Variants in HMGCLL1 observed in about 807,000 individuals in gnomAD.
HMGCLL1 encodes the protein 3-hydroxy-3-methylglutaryl-CoA lyase like 1.
In HMGCLL1, 36 loss-of-function variants were observed where a neutral mutation model predicts 39.1. The observed-to-expected ratio is 0.92, with a 90% CI of 0.71 to 1.22. The LOEUF (loss-of-function observed/expected upper bound fraction) is 1.22. HMGCLL1 is among the 50% of genes most tolerant of loss of function. The probability of loss-of-function intolerance (pLI) is 0.00; values close to 1 mark genes in which losing one functional copy is unlikely to be tolerated. For missense variants in HMGCLL1, 451 were observed against 416.5 expected (o/e 1.08, Z -0.72); for synonymous variants, 149 against 144.0 (o/e 1.03, Z -0.25).
At chr6:55,641,195 C>T in the HMGCLL1 span, among the ~76,000 whole-genome samples, 2 of 150,782 alleles carry the variant, frequency 1.3e-5, no homozygotes, top group African/African-American at 2.4e-5. Context: ...ATATTATGAG[C>T]TATTATAAAA....
chr6:55,671,700 T>C, the HMGCLL1 span, among the ~76,000 whole-genome samples: 21 of 151,924 alleles, frequency 1.4e-4, no homozygotes, highest in Admixed American at 4.6e-4. Context: ...AAACCAACAA[T>C]GGACATGCAG....
chr6:55,579,248 G>A (rs9349782), upstream of HMGCLL1: 300,329 of 595,536 alleles, frequency 0.5, 76,856 homozygotes, highest in South Asian at 0.61. Context: ...GGCCGCGCCT[G>A]GGGCAGCGGG....
rs148791481 is a variant in HMGCLL1, at chr6:55,563,285, G to A, written c.108+15663C>T. The stretch of plus-strand genomic sequence containing the variant: ...GGCATGTGCTTGGGTGGCAAGGGGT[G>A]GGAGGAATTAAAGCCAAAATGTAAA... On this transcript the variant is annotated intron_variant, in intron 1 of 8. Transcript: ENST00000274901. Among the ~76,000 whole-genome samples, 36 of 152,154 alleles carry A rather than the reference G, an allele frequency of 2.4e-4. No individual in the cohort carries two copies. In the East Asian group the frequency reaches 6.8e-3, roughly 29 times the overall value.
At chr6:55,674,361 G>T in the HMGCLL1 span, among the ~76,000 whole-genome samples, 322 of 150,396 alleles carry the variant, frequency 2.1e-3, 1 homozygote, top group African/African-American at 7.2e-3. Context: ...CATGCCTGTG[G>T]ATAGCCATGG....
At chr6:55,629,639 C>T in the HMGCLL1 span, among the ~76,000 whole-genome samples, 16,990 of 152,082 alleles carry the variant, frequency 0.11, 1,137 homozygotes, top group East Asian at 0.17. Flanking sequence ...GCTTGGAGGC[C>T]TAGGAAGAAA....
intron 7 of HMGCLL1, among the ~76,000 whole-genome samples, chr6:55,483,663 ATAGAC>A (rs2127414983): frequency 6.6e-6 from 1 of 152,356 alleles, no homozygotes; most frequent in South Asian, 2.1e-4. Context: ...CACGAAATAA[ATAGAC>A]TAAAGAGATG....
At chr6:55,627,213 T>A in the HMGCLL1 span, among the ~76,000 whole-genome samples, 1 of 152,236 alleles carries the variant, frequency 6.6e-6, no homozygotes, top group East Asian at 1.9e-4. Context: ...TTCCTCCTTC[T>A]TTTGTTGAAA....
At chr6:55,635,823 A>G in the HMGCLL1 span, among the ~76,000 whole-genome samples, 1 of 152,202 alleles carries the variant, frequency 6.6e-6, no homozygotes, top group African/African-American at 2.4e-5. Context: ...TGCTGAACAC[A>G]AAGAATAGTG....
At chr6:55,456,437 A>T (rs1387493365) in intron 7 of HMGCLL1, among the ~76,000 whole-genome samples, 2 of 152,228 alleles carry the variant, frequency 1.3e-5, no homozygotes, top group African/African-American at 4.8e-5. Flanking sequence ...TGGGGTATGC[A>T]GGAAAATACA....
In HMGCLL1 at chr6:55,505,787, G is replaced by A. The variant is rs779268321; in HGVS notation, c.543-6488C>T. Among the ~76,000 whole-genome samples the A allele has an allele frequency of 3.3e-5, 5 of 151,596 alleles. No individual in the cohort carries two copies. In the East Asian group the frequency reaches 5.8e-4, roughly 18 times the overall value. On this transcript the variant is annotated intron_variant, in intron 5 of 8. Transcript: ENST00000274901. ...ATGCCTGTGAGGTTAATTTATCTGCGTAGTTCCTGATGAAACTAAAAAGTA... is the reference window on the plus strand; with the variant it reads ...ATGCCTGTGAGGTTAATTTATCTGCATAGTTCCTGATGAAACTAAAAAGTA...
chr6:55,528,063 A>T (rs1391170725), intron 3 of HMGCLL1, among the ~76,000 whole-genome samples: 1 of 152,084 alleles, frequency 6.6e-6, no homozygotes, highest in Non-Finnish European at 1.5e-5. Context: ...AAATAATTTT[A>T]AAAATATATT....
chr6:55,650,134 TACACACACAC>T, the HMGCLL1 span, among the ~76,000 whole-genome samples: 30 of 53,282 alleles, frequency 5.6e-4, no homozygotes, highest in East Asian at 7.9e-4. Context: ...TATATATATA[TACACACACAC>T]ACACATATGT....
chr6:55,537,388 T>C (rs981177164), intron 3 of HMGCLL1, among the ~76,000 whole-genome samples: 1 of 152,208 alleles, frequency 6.6e-6, no homozygotes, highest in Non-Finnish European at 1.5e-5. Context: ...AAGTAAAATA[T>C]ATAACATAGC....
chr6:55,535,014 G>A (rs1768931745), intron 3 of HMGCLL1, among the ~76,000 whole-genome samples: 2 of 152,200 alleles, frequency 1.3e-5, no homozygotes, highest in Admixed American at 6.5e-5. Context: ...GTGGCAAATA[G>A]TGTATGCTTG....
At chr6:55,636,310 A>G in the HMGCLL1 span, among the ~76,000 whole-genome samples, 20 of 152,284 alleles carry the variant, frequency 1.3e-4, no homozygotes, top group African/African-American at 4.1e-4. Context: ...GTATATGTAA[A>G]CATTCAGGTA....
chr6:55,611,284 A>G, the HMGCLL1 span, among the ~76,000 whole-genome samples: 1 of 152,300 alleles, frequency 6.6e-6, no homozygotes, highest in African/African-American at 2.4e-5. Flanking sequence ...AATTTATAGC[A>G]CTGAATGTTC....
intron 1 of HMGCLL1, among the ~76,000 whole-genome samples, chr6:55,552,766 T>A (rs921625930): frequency 1.3e-5 from 2 of 152,006 alleles, no homozygotes; most frequent in African/African-American, 4.8e-5. Flanking sequence ...CTAGTTAAAA[T>A]ATTCCTAAAA....
chr6:55,620,734 T>G, the HMGCLL1 span, among the ~76,000 whole-genome samples: 125 of 152,222 alleles, frequency 8.2e-4, no homozygotes, highest in African/African-American at 2.8e-3. Flanking sequence ...AGTTTTATGA[T>G]TTCAGGTCTC....
intron 1 of HMGCLL1, chr6:55,566,429 A>G (rs1771214142): frequency 3.5e-6 from 1 of 281,848 alleles, no homozygotes; most frequent in African/African-American, 2.2e-5. Context: ...TGCCATCTGT[A>G]TTTCTCTACT....
Sources: gnomAD v4.1 joint callset for allele counts (sites outside exome capture counted in the v4.1 genomes callset) on GRCh38, gnomAD v4.1.1 for gene constraint, MANE v1.5 for transcripts, NCBI Gene and HGNC (gene_info 2026-07-23, HGNC 2026-07-21) for gene names.